Variants in CHRM5 observed in about 807,000 individuals in gnomAD.
CHRM5 encodes the protein muscarinic acetylcholine receptor M5.
A neutral mutation model predicts 39.0 loss-of-function variants in CHRM5; 18 were observed. The observed-to-expected ratio is 0.46, with a 90% CI of 0.32 to 0.68. The LOEUF is 0.68. Ranked by LOEUF, CHRM5 falls within the 30% of genes least tolerant of loss-of-function variation. CHRM5 has a pLI of 0.04. For missense variants in CHRM5, 515 were observed against 651.1 expected, an observed-to-expected ratio of 0.79 and a Z score of 2.28; for synonymous variants, 241 against 246.3, an observed-to-expected ratio of 0.98 and a Z score of 0.20.
At chr15:34,057,142 G>GTTTTT (rs763552413) in intron 2 of CHRM5, among the ~76,000 whole-genome samples, 1 of 148,770 alleles carries the variant, frequency 6.7e-6, no homozygotes. Context: ...GTTTTTTTTG[G>GTTTTT]TTTTTTTTTT....
intron 1 of CHRM5, among the ~76,000 whole-genome samples, chr15:34,021,792 T>A (rs1597361322): frequency 6.6e-6 from 1 of 151,908 alleles, no homozygotes; most frequent in Admixed American, 6.6e-5. Flanking sequence ...GAGGTGGAGG[T>A]TGCAGTGAGC....
intron 1 of CHRM5, among the ~76,000 whole-genome samples, chr15:34,011,865 C>T (rs770628091): frequency 2.6e-5 from 4 of 152,270 alleles, no homozygotes; most frequent in South Asian, 4.1e-4. Flanking sequence ...CAAGACCTTG[C>T]GAGTTCTATG....
intron 1 of CHRM5, chr15:33,990,871 C>A (rs62016997): frequency 7.2e-5 from 11 of 152,182 alleles, no homozygotes; most frequent in Admixed American, 1.3e-4. Flanking sequence ...AATTACCTAA[C>A]AACAGATTTT....
At chr15:33,970,808 A>G (rs1363039846) in intron 1 of CHRM5, among the ~76,000 whole-genome samples, 1 of 151,898 alleles carries the variant, frequency 6.6e-6, no homozygotes, top group Non-Finnish European at 1.5e-5. Context: ...GTAAACAGAG[A>G]CTCATATCCC....
At chr15:33,984,383 C>G (rs1338659930) in intron 1 of CHRM5, among the ~76,000 whole-genome samples, 1 of 150,252 alleles carries the variant, frequency 6.7e-6, no homozygotes, top group Non-Finnish European at 1.5e-5. Context: ...CTTTCCTCAC[C>G]TGTTAGAATA....
At chr15:33,997,304 T>A (rs586062) in intron 1 of CHRM5, among the ~76,000 whole-genome samples, 145,453 of 152,168 alleles carry the variant, frequency 0.96, 69,864 homozygotes, top group East Asian at 1. Context: ...TCAAGACTAC[T>A]TTTTTTTTAA....
intron 2 of CHRM5, among the ~76,000 whole-genome samples, chr15:34,048,022 C>CAT (rs1555520323): frequency 1.3e-5 from 2 of 151,470 alleles, no homozygotes; most frequent in East Asian, 3.9e-4. Context: ...ACGTCCAGCT[C>CAT]GTGTGTGTGT....
chr15:34,046,287 G>A (rs571665694), intron 1 of CHRM5, among the ~76,000 whole-genome samples: 2 of 146,298 alleles, frequency 1.4e-5, no homozygotes, highest in South Asian at 4.3e-4. Flanking sequence ...TTTGTGGAAA[G>A]ATCTGTCCAG....
At chr15:33,997,266 T>C (rs1045622390) in intron 1 of CHRM5, among the ~76,000 whole-genome samples, 3 of 152,192 alleles carry the variant, frequency 2.0e-5, no homozygotes, top group African/African-American at 4.8e-5. Flanking sequence ...AGGAGATACC[T>C]GCAAACACAA....
At chr15:34,018,157 A>G (rs934548910) in intron 1 of CHRM5, 2 of 152,260 alleles carry the variant, frequency 1.3e-5, no homozygotes, top group Non-Finnish European at 2.9e-5. Context: ...TTCAGGAGCT[A>G]TTCCAAAAGA....
chr15:34,019,259 A>C (rs1261533813), intron 1 of CHRM5, among the ~76,000 whole-genome samples: 3 of 152,246 alleles, frequency 2.0e-5, no homozygotes, highest in African/African-American at 7.2e-5. Flanking sequence ...TTTTAAGAAA[A>C]ATCTTTTAAA....
intron 1 of CHRM5, among the ~76,000 whole-genome samples, chr15:34,029,787 T>A (rs1437085898): frequency 1.3e-5 from 2 of 152,194 alleles, no homozygotes; most frequent in Admixed American, 1.3e-4. Flanking sequence ...TAATAGGGAT[T>A]AAGACTTCTT....
In CHRM5 at chr15:33,997,757, C is replaced by T. The variant is rs551636481; in HGVS notation, c.-408+28607C>T. Among the ~76,000 whole-genome samples, 3 of 152,014 alleles carry T rather than the reference C, an allele frequency of 2.0e-5. No individual in the cohort carries two copies. In the South Asian group the frequency reaches 6.2e-4, roughly 32 times the overall value. ...CAATCATTCTAATCATCTCCTTTTCCCTCTCTCATTTCATTGCATTTGCTC... is the reference window on the plus strand; with the variant it reads ...CAATCATTCTAATCATCTCCTTTTCTCTCTCTCATTTCATTGCATTTGCTC... On this transcript the variant is annotated intron_variant, in intron 1 of 2. Coordinates refer to ENST00000383263, the MANE Select transcript of CHRM5 (RefSeq NM_012125.4).
chr15:34,025,266 T>A (rs991185780), intron 1 of CHRM5, among the ~76,000 whole-genome samples: 2 of 152,192 alleles, frequency 1.3e-5, no homozygotes, highest in African/African-American at 4.8e-5. Context: ...GAGTTTTGGT[T>A]GCAAACTATA....
chr15:34,007,969 T>C (rs1897435644), intron 1 of CHRM5, among the ~76,000 whole-genome samples: 1 of 152,218 alleles, frequency 6.6e-6, no homozygotes, highest in South Asian at 2.1e-4. Flanking sequence ...GATTAGGGCC[T>C]ACCTTAATCA....
chr15:34,003,158 C>T, intron 1 of CHRM5: 1 of 1,613,660 alleles, frequency 6.2e-7, no homozygotes, highest in Non-Finnish European at 8.5e-7. Context: ...GAATAATTTC[C>T]CTGTTCATCA....
intron 1 of CHRM5, among the ~76,000 whole-genome samples, chr15:34,021,759 G>A (rs1164017915): frequency 6.6e-6 from 1 of 152,130 alleles, no homozygotes; most frequent in Non-Finnish European, 1.5e-5. Context: ...GGAGGCTGAG[G>A]CAGGAGAATC....
rs1899701700 is a variant in CHRM5 at position 34,046,779 on chromosome 15, C to T, written c.-168C>T. 6.6e-6 allele frequency: 1 copy of T among 152,400 alleles called. No homozygotes were observed. Among genetic ancestry groups the T allele is most frequent in the African/African-American group, 2.4e-5 (1 of 41,452 alleles). The allele number at this position is 152,400 out of a possible 1,614,324, so 9.4% of individuals were successfully genotyped here. A position where few individuals can be genotyped will look rare whatever the true frequency, so the allele number is the denominator to read the frequency against. Reference sequence around the variant, plus strand: ...GGGACTAATTGGGCAAACAACTTGACCCACAGAAAACAAAGAAAAGCAGGG... The same window carrying T: ...GGGACTAATTGGGCAAACAACTTGATCCACAGAAAACAAAGAAAAGCAGGG... On this transcript the variant is annotated 5_prime_UTR_variant, in exon 2 of 3. Transcript: ENST00000383263.
intron 1 of CHRM5, among the ~76,000 whole-genome samples, chr15:34,036,446 T>G (rs1293917696): frequency 4.6e-5 from 7 of 152,162 alleles, no homozygotes; most frequent in African/African-American, 1.7e-4. Flanking sequence ...TTTTTTCCTT[T>G]GATCATTTCG....
Sources: gnomAD v4.1 joint callset for allele counts (sites outside exome capture counted in the v4.1 genomes callset) on GRCh38, gnomAD v4.1.1 for gene constraint, MANE v1.5 for transcripts, NCBI Gene and HGNC (gene_info 2026-07-23, HGNC 2026-07-21) for gene names.